The following SYN3 variants were observed in gnomAD, a reference collection of about 807,000 sequenced individuals.
The protein encoded by SYN3 is synapsin III.
Under a neutral mutation model 65.8 loss-of-function variants are expected in SYN3, and 35 were observed. The observed-to-expected ratio is 0.53, with a 90% CI of 0.41 to 0.70. The LOEUF (loss-of-function observed/expected upper bound fraction) is 0.70, where lower values mean the gene tolerates loss of function less well. SYN3 is among the 30% of genes least tolerant of loss of function. The probability of loss-of-function intolerance (pLI) is 0.00; values close to 1 mark genes in which losing one functional copy is unlikely to be tolerated. For missense variants in SYN3, 680 were observed against 749.0 expected, an observed-to-expected ratio of 0.91 and a Z score of 1.08; for synonymous variants, 270 against 292.9, an observed-to-expected ratio of 0.92 and a Z score of 0.80.
chr22:32,745,902 C>T (rs887092347), intron 6 of SYN3, among the ~76,000 whole-genome samples: 1 of 152,150 alleles, frequency 6.6e-6, no homozygotes, highest in Non-Finnish European at 1.5e-5. Flanking sequence ...GTGGTGCCGA[C>T]CAGTCATTCC....
chr22:32,723,510 G>A (rs2061148170), intron 6 of SYN3, among the ~76,000 whole-genome samples: 1 of 151,950 alleles, frequency 6.6e-6, no homozygotes, highest in African/African-American at 2.4e-5. Context: ...GGGAATGGAG[G>A]CAGCCTCTTA....
rs2145911924 is a variant in SYN3, at chr22:33,034,958, G to A, written c.-163+23334C>T. Among the ~76,000 whole-genome samples the A allele has an allele frequency of 1.3e-5, 2 of 152,192 alleles. 1 individual carries two copies. The highest frequency in any genetic ancestry group is 6.8e-3 in the Middle Eastern group (2 of 294). On this transcript the variant is annotated intron_variant, in intron 1 of 13. Coordinates refer to ENST00000358763, the MANE Select transcript of SYN3 (RefSeq NM_003490.4). ...TGATGCCTTCTGGGCAGGACTCTGT[G>A]GCAGCCACTGCAGTGCCCTTCACCT...
chr22:32,522,882 G>A (rs1435754314), intron 12 of SYN3, among the ~76,000 whole-genome samples: 3 of 152,030 alleles, frequency 2.0e-5, no homozygotes, highest in Non-Finnish European at 1.5e-5. Flanking sequence ...ATACGGAACT[G>A]GATTCAAACA....
chr22:32,698,217 A>G (rs1405569524), intron 6 of SYN3, among the ~76,000 whole-genome samples: 1 of 152,194 alleles, frequency 6.6e-6, no homozygotes, highest in Non-Finnish European at 1.5e-5. Context: ...ATTCCTCAGA[A>G]AAAATTCACA....
chr22:32,678,587 C>A (rs1279998062), intron 6 of SYN3, among the ~76,000 whole-genome samples: 2 of 150,214 alleles, frequency 1.3e-5, no homozygotes, highest in Non-Finnish European at 3.0e-5. Flanking sequence ...TCTCCTCCTC[C>A]TTCTTCTCCT....
intron 2 of SYN3, among the ~76,000 whole-genome samples, chr22:32,994,088 G>A (rs2145733002): frequency 6.6e-6 from 1 of 152,322 alleles, no homozygotes; most frequent in Admixed American, 6.5e-5. Context: ...GGATTGGACA[G>A]CGTGTAGACC....
At chr22:32,523,903 A>T (rs1175744644) in intron 12 of SYN3, among the ~76,000 whole-genome samples, 1 of 152,250 alleles carries the variant, frequency 6.6e-6, no homozygotes, top group Non-Finnish European at 1.5e-5. Flanking sequence ...AATGATAAGA[A>T]ATCAAAACAG....
intron 6 of SYN3, among the ~76,000 whole-genome samples, chr22:32,696,894 G>C (rs1333595623): frequency 6.6e-6 from 1 of 152,120 alleles, no homozygotes; most frequent in East Asian, 1.9e-4. Flanking sequence ...CCTCTCCCCA[G>C]AATGAAATTT....
chr22:32,997,353 G>A (rs1461432050), intron 2 of SYN3, among the ~76,000 whole-genome samples: 1 of 152,176 alleles, frequency 6.6e-6, no homozygotes, highest in Non-Finnish European at 1.5e-5. Context: ...TGTCATTCAT[G>A]TGCTTGTTCA....
intron 4 of SYN3, among the ~76,000 whole-genome samples, chr22:32,878,146 C>T (rs1285615842): frequency 6.6e-6 from 1 of 152,154 alleles, no homozygotes; most frequent in Admixed American, 6.5e-5. Flanking sequence ...CCTTCCACCA[C>T]CCTGAACCTC....
intron 1 of SYN3, among the ~76,000 whole-genome samples, chr22:33,053,282 G>A (rs2054201429): frequency 6.6e-6 from 1 of 152,134 alleles, no homozygotes; most frequent in Non-Finnish European, 1.5e-5. Context: ...AATTAGCCGG[G>A]TGCGGTGGCG....
chr22:32,831,511 T>TC (rs2047572666), intron 6 of SYN3, among the ~76,000 whole-genome samples: 1 of 152,042 alleles, frequency 6.6e-6, no homozygotes, highest in African/African-American at 2.4e-5. Context: ...GGGGTCGGAG[T>TC]TGGGGGGCAG....
intron 4 of SYN3, among the ~76,000 whole-genome samples, chr22:32,929,339 G>T (rs186379467): frequency 6.7e-6 from 1 of 150,206 alleles, no homozygotes; most frequent in Non-Finnish European, 1.5e-5. Context: ...CCTTTTCTCC[G>T]CAGATATCTC....
intron 6 of SYN3, among the ~76,000 whole-genome samples, chr22:32,626,036 T>G (rs1485217153): frequency 6.6e-6 from 1 of 151,958 alleles, no homozygotes; most frequent in Non-Finnish European, 1.5e-5. Context: ...CAGGAAAAGC[T>G]TAAGGAAGGA....
rs557975250 is a variant in SYN3, at chr22:32,563,543, G to A, written c.775-21830C>T. Among the ~76,000 whole-genome samples the A allele has an allele frequency of 2.0e-4, 31 of 152,338 alleles. 1 individual carries two copies. The highest frequency in any genetic ancestry group is 1.0e-3 in the Admixed American group (16 of 15,308). Reference sequence around the variant, plus strand: ...AACATGGAACAGCCTGGCATGTTCCGGGATTGGAGAGTGGTTGGGTGTGGC... The same window carrying A: ...AACATGGAACAGCCTGGCATGTTCCAGGATTGGAGAGTGGTTGGGTGTGGC... On this transcript the variant is annotated intron_variant, in intron 7 of 13. Transcript: ENST00000358763.
intron 6 of SYN3, among the ~76,000 whole-genome samples, chr22:32,849,116 C>T (rs894847177): frequency 2.0e-5 from 3 of 152,268 alleles, no homozygotes; most frequent in Non-Finnish European, 4.4e-5. Context: ...GACAATGGCT[C>T]TAACAGGAGA....
intron 6 of SYN3, among the ~76,000 whole-genome samples, chr22:32,671,548 TGCAC>T (rs1473417979): frequency 1.1e-4 from 16 of 142,768 alleles, no homozygotes; most frequent in African/African-American, 4.0e-4. Flanking sequence ...CTCACGCAGG[TGCAC>T]ACACACACAC....
intron 6 of SYN3, among the ~76,000 whole-genome samples, chr22:32,610,154 G>A (rs909864585): frequency 1.3e-5 from 2 of 152,042 alleles, no homozygotes; most frequent in African/African-American, 2.4e-5. Context: ...GGTGGTGGGT[G>A]CCTGTAATCT....
chr22:33,046,201 C>T (rs1020065212), intron 1 of SYN3, among the ~76,000 whole-genome samples: 1 of 152,122 alleles, frequency 6.6e-6, no homozygotes, highest in African/African-American at 2.4e-5. Context: ...CTACTGATTC[C>T]AATGCAGAGC....
Sources: allele counts gnomAD v4.1 joint callset (sites outside exome capture counted in the v4.1 genomes callset), GRCh38; gene constraint gnomAD v4.1.1; transcripts MANE v1.5; gene names NCBI Gene and HGNC (gene_info 2026-07-23, HGNC 2026-07-21).